The following PCDH15 variants were observed in gnomAD, a reference collection of about 807,000 sequenced individuals.
PCDH15 encodes the protein protocadherin-15.
PCDH15 carries 129 observed loss-of-function variants against 178.5 expected under a neutral mutation model. The ratio of observed to expected loss-of-function variants is 0.72; its 90% confidence interval spans 0.63 to 0.84. The LOEUF is 0.84. Among genes scored for constraint, PCDH15 ranks in the 40% least tolerant of loss-of-function variants. The probability of loss-of-function intolerance (pLI) is 0.00; values close to 1 mark genes in which losing one functional copy is unlikely to be tolerated. For synonymous variants in PCDH15, 800 were observed against 732.0 expected (o/e 1.09, Z -1.50); for missense variants, 2,230 against 2,099.9 (o/e 1.06, Z -1.21).
chr10:54,680,077 T>A (rs1382236778), intron 1 of PCDH15, among the ~76,000 whole-genome samples: 1 of 152,190 alleles, frequency 6.6e-6, no homozygotes, highest in Non-Finnish European at 1.5e-5. Flanking sequence ...TCTTTACAGA[T>A]TTTGCTCATT....
At chr10:54,641,844 G>A (rs941916550) in intron 2 of PCDH15, among the ~76,000 whole-genome samples, 4 of 151,004 alleles carry the variant, frequency 2.6e-5, no homozygotes, top group Admixed American at 6.6e-5. Flanking sequence ...TACTATTTCT[G>A]CCCCCTTCCC....
chr10:54,434,549 G>C (rs1329429255), intron 3 of PCDH15, among the ~76,000 whole-genome samples: 1 of 152,182 alleles, frequency 6.6e-6, no homozygotes, highest in Non-Finnish European at 1.5e-5. Flanking sequence ...TAGCCTAGGA[G>C]AAATAAGCTA....
intron 1 of PCDH15, among the ~76,000 whole-genome samples, chr10:55,282,767 G>T (rs1842764383): frequency 1.3e-5 from 2 of 152,106 alleles, no homozygotes; most frequent in South Asian, 4.1e-4. Context: ...ATTTCAGTAA[G>T]TTTAAGCGAG....
chr10:54,275,365 A>T (rs2058293047), intron 8 of PCDH15, among the ~76,000 whole-genome samples: 1 of 151,594 alleles, frequency 6.6e-6, no homozygotes, highest in Non-Finnish European at 1.5e-5. Context: ...ATAGATGCAG[A>T]AACTGAAGCA....
At chr10:54,620,378 A>G (rs2093318080) in intron 2 of PCDH15, among the ~76,000 whole-genome samples, 2 of 152,068 alleles carry the variant, frequency 1.3e-5, no homozygotes, top group South Asian at 4.1e-4. Flanking sequence ...TGGGAATTTG[A>G]GATAAAAAAG....
chr10:55,102,475 A>G (rs1170412859), intron 2 of PCDH15, among the ~76,000 whole-genome samples: 3 of 152,140 alleles, frequency 2.0e-5, no homozygotes, highest in Non-Finnish European at 4.4e-5. Flanking sequence ...AATTAGGCAG[A>G]GTGATGGAAT....
At chr10:54,434,093 T>C (rs1433832955) in intron 3 of PCDH15, among the ~76,000 whole-genome samples, 1 of 152,076 alleles carries the variant, frequency 6.6e-6, no homozygotes, top group Non-Finnish European at 1.5e-5. Context: ...TTTAACAAAA[T>C]AAAAAACTTA....
intron 2 of PCDH15, among the ~76,000 whole-genome samples, chr10:55,123,216 A>G (rs1837816699): frequency 6.6e-6 from 1 of 151,992 alleles, no homozygotes; most frequent in African/African-American, 2.4e-5. Flanking sequence ...AAAAACATGA[A>G]TATTATAGTA....
chr10:54,232,888 T>C lies in PCDH15; in HGVS notation c.985+3935A>G, dbSNP rs150244471. On this transcript the variant is annotated intron_variant, in intron 9 of 37. Transcript: ENST00000644397. ...CCTCTTTTATTACTTTCCACTGTAG[T>C]CTCTATTATTTCTATTGTGTTGTTT... 3.7e-3 allele frequency among the ~76,000 whole-genome samples: 561 copies of C among 151,588 alleles called. 2 individuals are homozygous for C. Among genetic ancestry groups the C allele is most frequent in the African/African-American group, 0.013 (529 of 41,338 alleles).
intron 3 of PCDH15, among the ~76,000 whole-genome samples, chr10:54,515,378 T>C (rs1327985502): frequency 6.6e-6 from 1 of 152,156 alleles, no homozygotes; most frequent in African/African-American, 2.4e-5. Flanking sequence ...CGCTGATTGC[T>C]AGCACAGCAG....
intron 2 of PCDH15, among the ~76,000 whole-genome samples, chr10:55,131,926 C>T (rs1838058484): frequency 6.6e-6 from 1 of 152,254 alleles, no homozygotes; most frequent in South Asian, 2.1e-4. Flanking sequence ...GAAGGTGGGG[C>T]TTCAATAGGG....
intron 2 of PCDH15, among the ~76,000 whole-genome samples, chr10:55,613,489 C>G (rs1184532526): frequency 1.3e-5 from 2 of 152,252 alleles, no homozygotes; most frequent in East Asian, 3.9e-4. Flanking sequence ...AACAGTTATG[C>G]TCTGTATTAA....
At chr10:54,431,486 C>T (rs1482856109) in intron 3 of PCDH15, among the ~76,000 whole-genome samples, 1 of 152,110 alleles carries the variant, frequency 6.6e-6, no homozygotes, top group Non-Finnish European at 1.5e-5. Flanking sequence ...AGCATATCAA[C>T]AGAATGAAGG....
intron 2 of PCDH15, among the ~76,000 whole-genome samples, chr10:54,628,594 G>T (rs1389841624): frequency 6.6e-6 from 1 of 152,128 alleles, no homozygotes; most frequent in Non-Finnish European, 1.5e-5. Context: ...AGCATCAATT[G>T]AAATACGGAT....
intron 5 of PCDH15, among the ~76,000 whole-genome samples, chr10:54,363,943 T>A (rs1284690969): frequency 6.6e-6 from 1 of 152,202 alleles, no homozygotes; most frequent in Non-Finnish European, 1.5e-5. Flanking sequence ...ACGGTCACAG[T>A]GGCTCATGCC....
chr10:54,792,956 TAGC>T (rs1951563772), intron 1 of PCDH15, among the ~76,000 whole-genome samples: 1 of 151,758 alleles, frequency 6.6e-6, no homozygotes, highest in African/African-American at 2.4e-5. Flanking sequence ...ATCATGCTGT[TAGC>T]AGAGTCCTCC....
intron 1 of PCDH15, among the ~76,000 whole-genome samples, chr10:55,188,287 ATTTTT>A (rs199914142): frequency 6.6e-6 from 1 of 150,782 alleles, no homozygotes; most frequent in Non-Finnish European, 1.5e-5. Context: ...CACGCTTTCT[ATTTTT>A]TTTTAAGACA....
chr10:55,105,743 T>C (rs1347690048), intron 2 of PCDH15, among the ~76,000 whole-genome samples: 1 of 152,154 alleles, frequency 6.6e-6, no homozygotes, highest in Non-Finnish European at 1.5e-5. Context: ...AGAGTGCTCT[T>C]CTGTTGTGTG....
intron 2 of PCDH15, among the ~76,000 whole-genome samples, chr10:55,137,939 C>A (rs961253174): frequency 1.3e-5 from 2 of 152,070 alleles, no homozygotes; most frequent in Admixed American, 6.6e-5. Flanking sequence ...CCATTCCAAC[C>A]CACACGTATT....
Sources: allele counts gnomAD v4.1 joint callset (sites outside exome capture counted in the v4.1 genomes callset), GRCh38; gene constraint gnomAD v4.1.1; transcripts MANE v1.5; gene names NCBI Gene and HGNC (gene_info 2026-07-23, HGNC 2026-07-21).